SNAP91: variants seen among roughly 807,000 people sequenced by gnomAD.
SNAP91 encodes synaptosome associated protein 91, also known as clathrin coat assembly protein AP180.
In SNAP91, 27 loss-of-function variants were observed where a neutral mutation model predicts 100.3. That is an observed-to-expected ratio of 0.27 (90% CI 0.20 to 0.37). SNAP91 has a LOEUF of 0.37. Among genes scored for constraint, SNAP91 ranks in the 10% least tolerant of loss-of-function variants. The probability of loss-of-function intolerance (pLI) is 1.00; values close to 1 mark genes in which losing one functional copy is unlikely to be tolerated. For missense variants in SNAP91, 986 were observed against 1,123.7 expected, an observed-to-expected ratio of 0.88 and a Z score of 1.75; for synonymous variants, 404 against 398.6, an observed-to-expected ratio of 1.01 and a Z score of -0.16.
intron 8 of SNAP91, among the ~76,000 whole-genome samples, chr6:83,634,804 T>C (rs950093015): frequency 6.6e-6 from 1 of 152,186 alleles, no homozygotes; most frequent in Non-Finnish European, 1.5e-5. Flanking sequence ...CTCTTAAAAC[T>C]GCCTTTGCTG....
In SNAP91 at chr6:83,556,340, GGGGAGA is replaced by G. The variant is rs1304706340; in HGVS notation, c.2632-101_2632-96del. 320 of 47,554 alleles carry G rather than the reference GGGGAGA, an allele frequency of 6.7e-3. 6 individuals carry two copies. The highest frequency in any genetic ancestry group is 8.6e-3 in the Non-Finnish European group (251 of 29,226). The allele number at this position is 47,554 out of a possible 1,614,324, so 2.9% of individuals were successfully genotyped here. A position where few individuals can be genotyped will look rare whatever the true frequency, so the allele number is the denominator to read the frequency against. ...AGGGGGCAGGGGGAGAGAGGGAGAG[GGGGAGA>G]GAGAGAGAGAGAGAGAGAGAGAGAG... On this transcript the variant is annotated intron_variant, in intron 28 of 29. Transcript: ENST00000369694.
intron 16 of SNAP91, among the ~76,000 whole-genome samples, chr6:83,596,019 G>T (rs2094436713): frequency 6.6e-6 from 1 of 152,176 alleles, no homozygotes; most frequent in Admixed American, 6.5e-5. Flanking sequence ...AATCTGATCT[G>T]ATTGTTCCTC....
At chr6:83,593,138 A>T in intron 19 of SNAP91, 44 bp downstream of exon 19, 1 of 1,543,978 alleles carries the variant, frequency 6.5e-7, no homozygotes, top group Non-Finnish European at 8.8e-7. Flanking sequence ...TCAGGAAAAC[A>T]TCTAAGAAAC....
At chr6:83,708,380 C>G (rs1002148983) in intron 1 of SNAP91, 1 of 159,956 alleles carries the variant, frequency 6.3e-6, no homozygotes, top group African/African-American at 2.4e-5. Flanking sequence ...GACTTTCCTC[C>G]TAGCAGCCCG....
At chr6:83,636,649 G>A (rs1319482892) in intron 8 of SNAP91, among the ~76,000 whole-genome samples, 1 of 152,098 alleles carries the variant, frequency 6.6e-6, no homozygotes, top group Non-Finnish European at 1.5e-5. Context: ...TCTGAATTCT[G>A]TGTCTATAAT....
intron 27 of SNAP91, among the ~76,000 whole-genome samples, chr6:83,560,556 A>T (rs1405367777): frequency 6.6e-6 from 1 of 152,226 alleles, no homozygotes; most frequent in Non-Finnish European, 1.5e-5. Flanking sequence ...GTGAGTAAAA[A>T]GTCCTAGTAT....
intron 22 of SNAP91, among the ~76,000 whole-genome samples, chr6:83,586,666 AC>A (rs1302792851): frequency 6.6e-6 from 1 of 152,140 alleles, no homozygotes; most frequent in African/African-American, 2.4e-5. Context: ...TGAAATATTT[AC>A]TTTTATTATT....
At chr6:83,662,473 AAC>A in intron 3 of SNAP91, 51 bp from the exon 4 acceptor site, 3 of 770,894 alleles carry the variant, frequency 3.9e-6, no homozygotes, top group Non-Finnish European at 5.8e-6. Context: ...CATACTTTTA[AAC>A]AATTTCTGAC....
intron 1 of SNAP91, 88 bp from the exon 2 acceptor site, chr6:83,708,045 C>CTGGA: frequency 3.3e-6 from 4 of 1,220,560 alleles, no homozygotes; most frequent in Non-Finnish European, 4.3e-6. Flanking sequence ...AGCCGCGCGG[C>CTGGA]GGCTCTCTCC....
intron 24 of SNAP91, among the ~76,000 whole-genome samples, chr6:83,578,086 T>C (rs1291887542): frequency 6.6e-6 from 1 of 152,210 alleles, no homozygotes; most frequent in Non-Finnish European, 1.5e-5. Context: ...TATTTCATTA[T>C]GTAGATATAT....
At chr6:83,662,755 A>G (rs217305) in intron 3 of SNAP91, among the ~76,000 whole-genome samples, 140,200 of 152,186 alleles carry the variant, frequency 0.92, 64,744 homozygotes, top group East Asian at 1. Flanking sequence ...AGATTCAAAG[A>G]AATCTTTCCT....
chr6:83,605,735 G>A lies in SNAP91; in HGVS notation c.1091C>T (p.Ala364Val). The A allele has an allele frequency of 1.3e-6, 2 of 1,552,962 alleles. No homozygotes were observed. Among genetic ancestry groups the A allele is most frequent in the East Asian group, 2.4e-5 (1 of 41,012 alleles). Reference protein sequence around the residue: ...PDFSSGGAAAAAAPAPPPPAG... With the variant: ...PDFSSGGAAAVAAPAPPPPAG... Reference sequence around the variant, plus strand: ...AGGTGGTGGTGGTGCTGGTGCTGCGGCTGCTGCTGCCCCTCCAGAGGAAAA... The same window carrying A: ...AGGTGGTGGTGGTGCTGGTGCTGCGACTGCTGCTGCCCCTCCAGAGGAAAA... The change falls in exon 14 of 30, where the codon GCC (alanine) becomes GTC (valine). Residue 364 changes from alanine to valine, a missense_variant. By Grantham distance (64) the Ala-to-Val change is moderately conservative. Coordinates refer to ENST00000369694, the MANE Select transcript of SNAP91 (RefSeq NM_001242792.2).
chr6:83,606,697 T>A (rs73484882), intron 13 of SNAP91, among the ~76,000 whole-genome samples: 4,347 of 152,296 alleles, frequency 0.029, 76 homozygotes, highest in East Asian at 0.059. Context: ...TTTATCTTTT[T>A]TTACATATTA....
At chr6:83,561,796 A>G (rs1788186986) in intron 26 of SNAP91, among the ~76,000 whole-genome samples, 3 of 152,204 alleles carry the variant, frequency 2.0e-5, no homozygotes, top group Admixed American at 2.0e-4. Context: ...ACTTGAGGCC[A>G]GGAGTTTAGG....
chr6:83,563,763 T>C (rs1584060390), intron 26 of SNAP91, among the ~76,000 whole-genome samples: 1 of 152,160 alleles, frequency 6.6e-6, no homozygotes, highest in African/African-American at 2.4e-5. Flanking sequence ...CCATTTATAA[T>C]AGCATCAACA....
At chr6:83,699,249 T>C (rs527251969) in intron 2 of SNAP91, among the ~76,000 whole-genome samples, 3 of 152,280 alleles carry the variant, frequency 2.0e-5, no homozygotes, top group East Asian at 1.9e-4. Flanking sequence ...CTTCATGTGA[T>C]AGATCTATGA....
intron 16 of SNAP91, among the ~76,000 whole-genome samples, chr6:83,600,159 A>G (rs962892898): frequency 2.6e-5 from 4 of 152,124 alleles, no homozygotes; most frequent in African/African-American, 4.8e-5. Context: ...CCTGTTCCAT[A>G]GGAATGGACA....
At chr6:83,640,453 TATA>T (rs1202331859) in intron 8 of SNAP91, among the ~76,000 whole-genome samples, 2 of 152,158 alleles carry the variant, frequency 1.3e-5, no homozygotes, top group African/African-American at 2.4e-5. Flanking sequence ...TCCAAAGGAC[TATA>T]ATAACAATGT....
chr6:83,553,307 A>C lies in SNAP91; in HGVS notation c.*989T>G, dbSNP rs141048109. The C allele has an allele frequency of 3.3e-5, 5 of 152,538 alleles. No individual in the cohort carries two copies. Among genetic ancestry groups the C allele is most frequent in the Non-Finnish European group, 7.3e-5 (5 of 68,028 alleles). The allele number at this position is 152,538 out of a possible 1,614,324, so 9.4% of individuals were successfully genotyped here. On this transcript the variant is annotated 3_prime_UTR_variant, in exon 30 of 30. Coordinates refer to ENST00000369694, the MANE Select transcript of SNAP91 (RefSeq NM_001242792.2). The stretch of plus-strand genomic sequence containing the variant: ...TAATCACAATGTTACAACAAAACCT[A>C]CTTTGAGCTCAGTTGAAGGATGGAA...
Sources: gnomAD v4.1 joint callset for allele counts (sites outside exome capture counted in the v4.1 genomes callset) on GRCh38, gnomAD v4.1.1 for gene constraint, MANE v1.5 for transcripts, NCBI Gene and HGNC (gene_info 2026-07-23, HGNC 2026-07-21) for gene names.